Variants in GALR3 observed in about 807,000 individuals in gnomAD.
GALR3 encodes the protein galanin receptor 3, also known as galanin receptor type 3.
A neutral mutation model predicts 6.9 loss-of-function variants in GALR3; 5 were observed. That is an observed-to-expected ratio of 0.72 (90% CI 0.38 to 1.52). The LOEUF (loss-of-function observed/expected upper bound fraction) is 1.52. Among genes scored for constraint, GALR3 ranks in the 40% most tolerant of loss-of-function variants. GALR3 has a pLI of 0.03. For synonymous variants in GALR3, 308 were observed against 263.6 expected, an observed-to-expected ratio of 1.17 and a Z score of -1.63; for missense variants, 570 against 545.6, an observed-to-expected ratio of 1.04 and a Z score of -0.44.
Position 37,825,456 on chromosome 22 carries a change from C to G in GALR3, c.1093C>G (p.Arg365Gly). The change falls in exon 2 of 2, where the codon CGA (arginine) becomes GGA (glycine). Residue 365 changes from arginine to glycine, a missense_variant. Physicochemically the swap from Arg to Gly is moderately radical, Grantham distance 125. Transcript: ENST00000249041. Reference sequence around the variant, plus strand: ...ACCCGTCCACGGCGGAGAGGCTGCCCGAGGACCGGAATAAACCCTGCCGCC... The same window carrying G: ...ACCCGTCCACGGCGGAGAGGCTGCCGGAGGACCGGAATAAACCCTGCCGCC... ...EGPVHGGEAARGPE is the reference protein window; with the variant it reads ...EGPVHGGEAAGGPE 1 of 1,372,296 alleles carries G rather than the reference C, an allele frequency of 7.3e-7. No homozygotes were observed. The highest frequency in any genetic ancestry group is 9.4e-7 in the Non-Finnish European group (1 of 1,060,320). 85.0% of individuals were successfully genotyped at this position (1,372,296 alleles called of 1,614,324 possible).
intron 1 of GALR3, 135 bp downstream of exon 1, chr22:37,823,900 A>C: frequency 1.6e-6 from 1 of 619,904 alleles, no homozygotes; most frequent in Non-Finnish European, 2.8e-6. Context: ...GAGGAAACAA[A>C]AGCTCCCTGA....
Position 37,825,174 on chromosome 22 carries a change from G to T in GALR3, c.811G>T (p.Ala271Ser). 6.7e-7 allele frequency: 1 copy of T among 1,490,954 alleles called. No homozygotes were observed. The allele number at this position is 1,490,954 out of a possible 1,614,324, so 92.4% of individuals were successfully genotyped here. The change falls in exon 2 of 2, where the codon GCC (alanine) becomes TCC (serine). Residue 271 changes from alanine to serine, a missense_variant. Transcript: ENST00000249041. Reference sequence around the variant, plus strand: ...CTTCGCCTTCAGCCCGGCCACCTACGCCTGCCGCCTGGCCTCACACTGCCT... The same window carrying T: ...CTTCGCCTTCAGCCCGGCCACCTACTCCTGCCGCCTGGCCTCACACTGCCT... ...GRFAFSPATYACRLASHCLAY... is the reference protein window; with the variant it reads ...GRFAFSPATYSCRLASHCLAY...
chr22:37,824,937 G>A lies in GALR3; in HGVS notation c.574G>A (p.Gly192Ser). The A allele has an allele frequency of 2.3e-6, 3 of 1,326,646 alleles. No homozygotes were observed. The highest frequency in any genetic ancestry group is 2.9e-6 in the Non-Finnish European group (3 of 1,032,362). The allele number at this position is 1,326,646 out of a possible 1,614,324, so 82.2% of individuals were successfully genotyped here. Residue 192 changes from glycine to serine, a missense_variant, in exon 2 of 2, where the codon GGC becomes AGC. Physicochemically the swap from Gly to Ser is moderately conservative, Grantham distance 56. Transcript: ENST00000249041. Reference sequence around the variant, plus strand: ...CCTGGACGTGGCCACCTTCGCTGCCGGCTACCTGCTGCCCGTGGCTGTGGT... The same window carrying A: ...CCTGGACGTGGCCACCTTCGCTGCCAGCTACCTGCTGCCCGTGGCTGTGGT... ...RALDVATFAA[G>S]YLLPVAVVSL...
In GALR3 at chr22:37,825,312, C is replaced by T. The variant is rs1309462731; in HGVS notation, c.949C>T (p.Arg317Cys). 5.6e-6 allele frequency: 7 copies of T among 1,253,328 alleles called. No homozygotes were observed. The highest frequency in any genetic ancestry group is 6.5e-5 in the South Asian group (2 of 30,784). 77.6% of individuals were successfully genotyped at this position (1,253,328 alleles called of 1,614,324 possible). Residue 317 changes from arginine to cysteine, a missense_variant, in exon 2 of 2, where the codon CGC becomes TGC. Physicochemically the swap from Arg to Cys is radical, Grantham distance 180 (BLOSUM62 -3). Coordinates refer to ENST00000249041, the MANE Select transcript of GALR3 (RefSeq NM_003614.2). ...CGGCCGCCGACGCCGCCACCGTGCC[C>T]GCCGCGCCTTGCGTCGCGTCCGCCC... ...PCGRRRRHRA[R>C]RALRRVRPAS...
Position 37,825,454 on chromosome 22 carries a change from C to T in GALR3, c.1091C>T (p.Ala364Val), listed in dbSNP as rs75281706. 9.1e-3 allele frequency: 12,491 copies of T among 1,373,006 alleles called. 759 individuals carry two copies. In the African/African-American group the frequency reaches 0.15, roughly 16 times the overall value. 85.1% of individuals were successfully genotyped at this position (1,373,006 alleles called of 1,614,324 possible). ...REGPVHGGEAARGPE is the reference protein window; with the variant it reads ...REGPVHGGEAVRGPE ...GGACCCGTCCACGGCGGAGAGGCTG[C>T]CCGAGGACCGGAATAAACCCTGCCG... is the stretch of plus-strand genomic sequence containing the variant. The change falls in exon 2 of 2, where the codon GCC becomes GTC. Residue 364 changes from alanine (A) to valine (V), a missense_variant. By Grantham distance (64) the Ala-to-Val change is moderately conservative (BLOSUM62 0). Coordinates refer to ENST00000249041, the MANE Select transcript of GALR3 (RefSeq NM_003614.2).
Position 37,825,240 on chromosome 22 carries a change from C to T in GALR3, c.877C>T (p.Leu293Phe), listed in dbSNP as rs779947551. The change falls in exon 2 of 2, where the codon CTC becomes TTC. Residue 293 changes from leucine (L) to phenylalanine (F), a missense_variant. Coordinates refer to ENST00000249041, the MANE Select transcript of GALR3 (RefSeq NM_003614.2). ...CTGCCTCAACCCGCTCGTCTACGCG[C>T]TCGCCTCGCGCCACTTCCGCGCGCG... The part of the protein sequence containing the change: ...NSCLNPLVYA[L>F]ASRHFRARFR... 4.8e-6 allele frequency: 7 copies of T among 1,459,990 alleles called. No individual in the cohort carries two copies. In the South Asian group the frequency reaches 7.6e-5, roughly 16 times the overall value. 90.4% of individuals were successfully genotyped at this position (1,459,990 alleles called of 1,614,324 possible). A position where few individuals can be genotyped will look rare whatever the true frequency, so the allele number is the denominator to read the frequency against.
Position 37,825,479 on chromosome 22 carries a change from G to A in GALR3, c.*9G>A, listed in dbSNP as rs8137984. The A allele has an allele frequency of 9.9e-6, 13 of 1,315,418 alleles. No homozygotes were observed. The highest frequency in any genetic ancestry group is 1.3e-5 in the Non-Finnish European group (13 of 1,029,726). The allele number at this position is 1,315,418 out of a possible 1,614,324, so 81.5% of individuals were successfully genotyped here. On this transcript the variant is annotated 3_prime_UTR_variant, in exon 2 of 2. Transcript: ENST00000249041. ...CCCGAGGACCGGAATAAACCCTGCCGCCTGGACTCCGCCTGTGTCCGTCTG... is the reference window on the plus strand; with the variant it reads ...CCCGAGGACCGGAATAAACCCTGCCACCTGGACTCCGCCTGTGTCCGTCTG...
At position 37,825,253 on chromosome 22, in the gene GALR3, A is replaced by C. The variant is rs1569088223; in HGVS notation, c.890A>C (p.His297Pro). 1.4e-6 allele frequency: 2 copies of C among 1,423,896 alleles called. No homozygotes were observed. The highest frequency in any genetic ancestry group is 1.9e-6 in the Non-Finnish European group (2 of 1,080,198). 88.2% of individuals were successfully genotyped at this position (1,423,896 alleles called of 1,614,324 possible). ...NPLVYALASR[H>P]FRARFRRLWP... ...CTCGTCTACGCGCTCGCCTCGCGCC[A>C]CTTCCGCGCGCGCTTCCGCCGCCTG... Residue 297 changes from histidine to proline, a missense_variant, in exon 2 of 2, where the codon CAC becomes CCC. Transcript: ENST00000249041.
At position 37,823,763 on chromosome 22, in the gene GALR3, C is replaced by T. The variant is rs776905708; in HGVS notation, c.357C>T (p.Asp119=). Residue 119 remains aspartate, a splice_region_variant and synonymous_variant, in exon 1 of 2, where the codon GAC becomes GAT. Coordinates refer to ENST00000249041, the MANE Select transcript of GALR3 (RefSeq NM_003614.2). ...TTACGCTGGCTGCTGTCTCCGTGGA[C>T]AGGTGCGCTGTGCCTGGGGCCTGGC... is the stretch of plus-strand genomic sequence containing the variant. ...SSFTLAAVSV[D]RYLAVRHPLR... 3.3e-5 allele frequency: 53 copies of T among 1,586,230 alleles called. No individual in the cohort carries two copies. Among genetic ancestry groups the T allele is most frequent in the Non-Finnish European group, 4.5e-5 (52 of 1,159,940 alleles).
At position 37,824,863 on chromosome 22, in the gene GALR3, G is replaced by A. The variant is rs1318484254; in HGVS notation, c.500G>A (p.Gly167Asp). 1.4e-6 allele frequency: 2 copies of A among 1,405,908 alleles called. No homozygotes were observed. Among genetic ancestry groups the A allele is most frequent in the Admixed American group, 2.4e-5 (1 of 41,270 alleles). The allele number at this position is 1,405,908 out of a possible 1,614,324, so 87.1% of individuals were successfully genotyped here. Residue 167 changes from glycine to aspartate, a missense_variant, in exon 2 of 2, where the codon GGC becomes GAC. Gly to Asp is a moderately conservative substitution (Grantham distance 94). Transcript: ENST00000249041. ...YLSYYGTVRY[G>D]ALELCVPAWE... The stretch of plus-strand genomic sequence containing the variant: ...AGCTACTACGGCACCGTGCGCTACG[G>A]CGCGCTGGAGCTCTGCGTGCCCGCC...
Position 37,824,735 on chromosome 22 carries a change from G to A in GALR3, c.372G>A (p.Val124=). The A allele has an allele frequency of 8.1e-7, 1 of 1,228,320 alleles. No homozygotes were observed. Among genetic ancestry groups the A allele is most frequent in the Non-Finnish European group, 1.0e-6 (1 of 984,984 alleles). The allele number at this position is 1,228,320 out of a possible 1,614,324, so 76.1% of individuals were successfully genotyped here. The change falls in exon 2 of 2, where the codon GTG becomes GTA. Residue 124 remains valine (V), a synonymous_variant. Coordinates refer to ENST00000249041, the MANE Select transcript of GALR3 (RefSeq NM_003614.2). ...GCGCCCTCCGCAGGTACCTGGCCGT[G>A]CGGCACCCGCTGCGCTCGCGCGCCC... ...AAVSVDRYLA[V]RHPLRSRALR...
rs1922575590 is a variant in GALR3 at position 37,825,235 on chromosome 22, A to ACGCGCTCGCCTC, written c.873_884dup (p.Ala292_Ser295dup). 1 of 1,462,646 alleles carries ACGCGCTCGCCTC rather than the reference A, an allele frequency of 6.8e-7. No individual in the cohort carries two copies. The highest frequency in any genetic ancestry group is 2.0e-5 in the Admixed American group (1 of 49,098). The allele number at this position is 1,462,646 out of a possible 1,614,324, so 90.6% of individuals were successfully genotyped here. A position where few individuals can be genotyped will look rare whatever the true frequency, so the allele number is the denominator to read the frequency against. ...AACTCCTGCCTCAACCCGCTCGTCTACGCGCTCGCCTCGCGCCACTTCCGC... is the reference window on the plus strand; with the variant it reads ...AACTCCTGCCTCAACCCGCTCGTCTACGCGCTCGCCTCCGCGCTCGCCTCGCGCCACTTCCGC... On this transcript the variant is annotated inframe_insertion, in exon 2 of 2. Coordinates refer to ENST00000249041, the MANE Select transcript of GALR3 (RefSeq NM_003614.2).
intron 1 of GALR3, among the ~76,000 whole-genome samples, chr22:37,824,381 T>C (rs1922532667): frequency 6.6e-6 from 1 of 152,116 alleles, no homozygotes; most frequent in African/African-American, 2.4e-5. Flanking sequence ...AGCTATTTTC[T>C]AACTGCCCAC....
In GALR3 at chr22:37,824,764, G is replaced by A; in HGVS notation, c.401G>A (p.Arg134His). Residue 134 changes from arginine to histidine, a missense_variant, in exon 2 of 2, where the codon CGC (arginine) becomes CAC (histidine). Arg to His is a conservative substitution (Grantham distance 29, BLOSUM62 0). Transcript: ENST00000249041. ...CACCCGCTGCGCTCGCGCGCCCTGC[G>A]CACGCCGCGTAACGCCCGCGCCGCA... ...VRHPLRSRAL[R>H]TPRNARAAVG... 7.9e-7 allele frequency: 1 copy of A among 1,271,618 alleles called. No individual in the cohort carries two copies. Among genetic ancestry groups the A allele is most frequent in the Non-Finnish European group, 9.9e-7 (1 of 1,010,910 alleles). The allele number at this position is 1,271,618 out of a possible 1,614,324, so 78.8% of individuals were successfully genotyped here.
Position 37,825,478 on chromosome 22 carries a change from C to G in GALR3, c.*8C>G, listed in dbSNP as rs2145945880. On this transcript the variant is annotated 3_prime_UTR_variant, in exon 2 of 2. Coordinates refer to ENST00000249041, the MANE Select transcript of GALR3 (RefSeq NM_003614.2). ...GCCCGAGGACCGGAATAAACCCTGC[C>G]GCCTGGACTCCGCCTGTGTCCGTCT... The G allele has an allele frequency of 7.6e-7, 1 of 1,315,866 alleles. No individual in the cohort carries two copies. Among genetic ancestry groups the G allele is most frequent in the Admixed American group, 3.8e-5 (1 of 26,664 alleles). 81.5% of individuals were successfully genotyped at this position (1,315,866 alleles called of 1,614,324 possible). A position where few individuals can be genotyped will look rare whatever the true frequency, so the allele number is the denominator to read the frequency against.
chr22:37,825,212 C>T lies in GALR3; in HGVS notation c.849C>T (p.Asn283=). The change falls in exon 2 of 2, where the codon AAC becomes AAT. Residue 283 remains asparagine, a synonymous_variant. Transcript: ENST00000249041. ...RLASHCLAYA[N]SCLNPLVYAL... Reference sequence around the variant, plus strand: ...CCTCACACTGCCTGGCCTACGCCAACTCCTGCCTCAACCCGCTCGTCTACG... The same window carrying T: ...CCTCACACTGCCTGGCCTACGCCAATTCCTGCCTCAACCCGCTCGTCTACG... The T allele has an allele frequency of 6.8e-7, 1 of 1,477,396 alleles. No individual in the cohort carries two copies. The highest frequency in any genetic ancestry group is 9.0e-7 in the Non-Finnish European group (1 of 1,108,966). The allele number at this position is 1,477,396 out of a possible 1,614,324, so 91.5% of individuals were successfully genotyped here.
In GALR3 at chr22:37,825,437, C is replaced by T; in HGVS notation, c.1074C>T (p.Val358=). The T allele has an allele frequency of 7.2e-7, 1 of 1,390,768 alleles. No homozygotes were observed. The highest frequency in any genetic ancestry group is 9.3e-7 in the Non-Finnish European group (1 of 1,069,958). The allele number at this position is 1,390,768 out of a possible 1,614,324, so 86.2% of individuals were successfully genotyped here. A position where few individuals can be genotyped will look rare whatever the true frequency, so the allele number is the denominator to read the frequency against. The change falls in exon 2 of 2, where the codon GTC becomes GTT. Residue 358 remains valine (V), a synonymous_variant. Coordinates refer to ENST00000249041, the MANE Select transcript of GALR3 (RefSeq NM_003614.2). ...GQGPEPREGP[V]HGGEAARGPE is the part of the protein sequence containing the mutation. ...GCCCGGAGCCCAGGGAGGGACCCGT[C>T]CACGGCGGAGAGGCTGCCCGAGGAC...
rs769690926 is a variant in GALR3 at position 37,823,390 on chromosome 22, G to T, written c.-17G>T. ...AGGATTCCAGCTTCTCTTCCCAGGT[G>T]CCCGTCTGATGGGGAGATGGCTGAT... On this transcript the variant is annotated 5_prime_UTR_variant, in exon 1 of 2. Coordinates refer to ENST00000249041, the MANE Select transcript of GALR3 (RefSeq NM_003614.2). The T allele has an allele frequency of 1.4e-5, 22 of 1,528,104 alleles. No homozygotes were observed. Among genetic ancestry groups the T allele is most frequent in the Non-Finnish European group, 2.0e-5 (22 of 1,124,874 alleles). The allele number at this position is 1,528,104 out of a possible 1,614,324, so 94.7% of individuals were successfully genotyped here. A position where few individuals can be genotyped will look rare whatever the true frequency, so the allele number is the denominator to read the frequency against.
chr22:37,825,347 G>A lies in GALR3; in HGVS notation c.984G>A (p.Ser328=). The A allele has an allele frequency of 7.7e-7, 1 of 1,293,950 alleles. No homozygotes were observed. The highest frequency in any genetic ancestry group is 9.8e-7 in the Non-Finnish European group (1 of 1,021,210). 80.2% of individuals were successfully genotyped at this position (1,293,950 alleles called of 1,614,324 possible). Residue 328 remains serine (S), a synonymous_variant, in exon 2 of 2, where the codon TCG becomes TCA. Transcript: ENST00000249041. ...RALRRVRPAS[S]GPPGCPGDAR... ...TGCGTCGCGTCCGCCCCGCGTCCTC[G>A]GGCCCACCCGGCTGCCCCGGAGACG...
Sources: gnomAD v4.1 joint callset for allele counts (sites outside exome capture counted in the v4.1 genomes callset) on GRCh38, gnomAD v4.1.1 for gene constraint, MANE v1.5 for transcripts, NCBI Gene and HGNC (gene_info 2026-07-23, HGNC 2026-07-21) for gene names.